The following SORCS2 variants were observed in gnomAD, a reference collection of about 807,000 sequenced individuals.
The protein encoded by SORCS2 is VPS10 domain-containing receptor SorCS2.
A neutral mutation model predicts 141.6 loss-of-function variants in SORCS2; 100 were observed. The ratio of observed to expected loss-of-function variants is 0.71; its 90% CI spans 0.60 to 0.83. The LOEUF is 0.83. Among genes scored for constraint, SORCS2 ranks in the 40% least tolerant of loss-of-function variants. SORCS2 has a pLI of 0.00. For missense variants in SORCS2, 1,646 were observed against 1,560.2 expected (o/e 1.05, Z -0.93); for synonymous variants, 789 against 676.9 (o/e 1.17, Z -2.57).
chr4:7,720,965 G>A (rs1346057389), intron 18 of SORCS2, among the ~76,000 whole-genome samples: 1 of 152,204 alleles, frequency 6.6e-6, no homozygotes, highest in East Asian at 1.9e-4. Context: ...ACGACCAGAG[G>A]ACTGAGCACT....
In SORCS2 at chr4:7,730,627, G is replaced by A. The variant is rs528750715; in HGVS notation, c.3108+915G>A. Among the ~76,000 whole-genome samples, 104 of 152,296 alleles carry A rather than the reference G, an allele frequency of 6.8e-4. 1 individual carries two copies. Among genetic ancestry groups the A allele is most frequent in the African/African-American group, 2.4e-3 (101 of 41,574 alleles). On this transcript the variant is annotated intron_variant, in intron 23 of 26. Transcript: ENST00000507866. The stretch of plus-strand genomic sequence containing the variant: ...GAAAACATGATGCTAAGTGAAAGAG[G>A]CCAGTTGCAAAAGACCACGTAGCGT...
chr4:7,629,819 C>T (rs2108845360), intron 3 of SORCS2, among the ~76,000 whole-genome samples: 1 of 152,222 alleles, frequency 6.6e-6, no homozygotes, highest in African/African-American at 2.4e-5. Flanking sequence ...CTGACCTCAG[C>T]TTCATCTCCC....
At chr4:7,473,848 G>C (rs1204220167) in intron 2 of SORCS2, among the ~76,000 whole-genome samples, 1 of 152,154 alleles carries the variant, frequency 6.6e-6, no homozygotes, top group African/African-American at 2.4e-5. Context: ...GCTCTGGCGG[G>C]GTCTGGGGGG....
intron 1 of SORCS2, among the ~76,000 whole-genome samples, chr4:7,351,641 CTCCTATCCCT>C (rs1720941655): frequency 2.0e-5 from 3 of 152,072 alleles, no homozygotes; most frequent in African/African-American, 7.2e-5. Context: ...CTTGTCCCTC[CTCCTATCCCT>C]TCCTCTCCCT....
chr4:7,579,357 G>C (rs747622229), intron 3 of SORCS2, among the ~76,000 whole-genome samples: 2 of 151,070 alleles, frequency 1.3e-5, no homozygotes, highest in Non-Finnish European at 3.0e-5. Context: ...ACACCCACCC[G>C]TGTGTGTGTG....
intron 3 of SORCS2, among the ~76,000 whole-genome samples, chr4:7,544,043 T>G (rs1713048122): frequency 7.3e-6 from 1 of 136,626 alleles, no homozygotes; most frequent in African/African-American, 2.8e-5. Context: ...CACCCACCCA[T>G]CCATCCAGCC....
chr4:7,403,698 A>G (rs1016957496), intron 2 of SORCS2, among the ~76,000 whole-genome samples: 11 of 151,766 alleles, frequency 7.2e-5, no homozygotes, highest in Non-Finnish European at 1.6e-4. Flanking sequence ...AGGTTACACA[A>G]CATTTCTTAA....
At chr4:7,416,056 C>T (rs149200932) in intron 2 of SORCS2, among the ~76,000 whole-genome samples, 1,641 of 152,192 alleles carry the variant, frequency 0.011, 29 homozygotes, top group African/African-American at 0.033. Flanking sequence ...GCGGCTAAAG[C>T]GTTAGGTGGG....
Position 7,689,571 on chromosome 4 carries a change from G to A in SORCS2, c.1574G>A (p.Gly525Asp). ...GTVHTKDTAPGLIMGAGNLGS... is the reference protein window; with the variant it reads ...GTVHTKDTAPDLIMGAGNLGS... ...GTGCACACCAAGGACACCGCCCCAG[G>A]CCTCATCATGGGTGCAGGTAGGTGG... Residue 525 changes from glycine to aspartate, a missense_variant, in exon 11 of 27, where the codon GGC becomes GAC. Physicochemically the swap from Gly to Asp is moderately conservative, Grantham distance 94. Transcript: ENST00000507866. 4 of 1,597,902 alleles carry A rather than the reference G, an allele frequency of 2.5e-6. No individual in the cohort carries two copies. Among genetic ancestry groups the A allele is most frequent in the Non-Finnish European group, 3.4e-6 (4 of 1,172,672 alleles).
rs1712264958 is a variant in SORCS2, at chr4:7,737,279, C to A, written c.3415+107C>A. On this transcript the variant is annotated intron_variant, in intron 26 of 26. Transcript: ENST00000507866. ...CACCCCGCTGGGCCGCTGGGGCCAG[C>A]AAAACGCTGGCCCAGCAGCCCTTGC... 5 of 1,477,196 alleles carry A rather than the reference C, an allele frequency of 3.4e-6. No individual in the cohort carries two copies. The East Asian group carries it at 1.3e-4, about 37-fold the overall frequency. The allele number at this position is 1,477,196 out of a possible 1,614,324, so 91.5% of individuals were successfully genotyped here. A position where few individuals can be genotyped will look rare whatever the true frequency, so the allele number is the denominator to read the frequency against.
At chr4:7,676,539 C>T (rs1202630389) in intron 9 of SORCS2, among the ~76,000 whole-genome samples, 1 of 152,164 alleles carries the variant, frequency 6.6e-6, no homozygotes, top group East Asian at 1.9e-4. Flanking sequence ...TGGGTTCAGC[C>T]TGAGTGTTCT....
chr4:7,371,791 C>T (rs376133586), intron 1 of SORCS2, among the ~76,000 whole-genome samples: 111 of 152,344 alleles, frequency 7.3e-4, no homozygotes, highest in African/African-American at 2.5e-3. Context: ...GTGGGTCCCT[C>T]AGTAGCTGCA....
At chr4:7,329,830 C>T (rs1206766505) in intron 1 of SORCS2, among the ~76,000 whole-genome samples, 7 of 152,144 alleles carry the variant, frequency 4.6e-5, no homozygotes, top group East Asian at 3.9e-4. Flanking sequence ...GGCTCAGCCA[C>T]GGTGTTTGGT....
intron 1 of SORCS2, among the ~76,000 whole-genome samples, chr4:7,320,046 T>C (rs552092390): frequency 5.5e-4 from 84 of 152,330 alleles, no homozygotes; most frequent in African/African-American, 2.0e-3. Flanking sequence ...CCCATGCCTG[T>C]AATCCCAGCA....
intron 3 of SORCS2, among the ~76,000 whole-genome samples, chr4:7,636,496 G>A (rs1411811859): frequency 2.6e-5 from 4 of 152,128 alleles, no homozygotes; most frequent in Admixed American, 1.3e-4. Flanking sequence ...ATGGCTGTGC[G>A]ACCTCAGGTA....
At chr4:7,196,361 G>A (rs1577263531) in intron 1 of SORCS2, among the ~76,000 whole-genome samples, 2 of 152,060 alleles carry the variant, frequency 1.3e-5, no homozygotes, top group Admixed American at 1.3e-4. Context: ...TCAGCCTCTG[G>A]GGTTGCGGTT....
intron 3 of SORCS2, among the ~76,000 whole-genome samples, chr4:7,538,598 C>G (rs1260685242): frequency 6.6e-6 from 1 of 152,078 alleles, no homozygotes; most frequent in African/African-American, 2.4e-5. Flanking sequence ...CACACACACA[C>G]ACACACACAC....
At chr4:7,253,937 C>T (rs889064130) in intron 1 of SORCS2, among the ~76,000 whole-genome samples, 1 of 152,194 alleles carries the variant, frequency 6.6e-6, no homozygotes, top group African/African-American at 2.4e-5. Flanking sequence ...CAGCATTGCT[C>T]TTCATCAGAG....
chr4:7,531,677 C>T (rs749313527), intron 3 of SORCS2, 48 bp downstream of exon 3: 33 of 1,560,004 alleles, frequency 2.1e-5, no homozygotes, highest in Admixed American at 1.0e-4. Context: ...CGCCTTGTGC[C>T]GCTCACTCTG....
Sources: allele counts gnomAD v4.1 joint callset (sites outside exome capture counted in the v4.1 genomes callset), GRCh38; gene constraint gnomAD v4.1.1; transcripts MANE v1.5; gene names NCBI Gene and HGNC (gene_info 2026-07-23, HGNC 2026-07-21).